GALNT13: variants seen among roughly 807,000 people sequenced by gnomAD.
The protein encoded by GALNT13 is polypeptide N-acetylgalactosaminyltransferase 13, also known as UDP-GalNAc:polypeptide N-acetylgalactosaminyltransferase 13.
Under a neutral mutation model 64.2 loss-of-function variants are expected in GALNT13, and 28 were observed. The observed-to-expected ratio is 0.44, with a 90% CI of 0.32 to 0.60. GALNT13 has a LOEUF of 0.60. GALNT13 is among the 20% of genes least tolerant of loss of function. The probability of loss-of-function intolerance (pLI) is 0.05; values close to 1 mark genes in which losing one functional copy is unlikely to be tolerated. For synonymous variants in GALNT13, 214 were observed against 224.6 expected, an observed-to-expected ratio of 0.95 and a Z score of 0.42; for missense variants, 577 against 669.8, an observed-to-expected ratio of 0.86 and a Z score of 1.53.
chr2:153,090,791 C>T, the GALNT13 span, among the ~76,000 whole-genome samples: 1 of 151,992 alleles, frequency 6.6e-6, no homozygotes, highest in Non-Finnish European at 1.5e-5. Context: ...GCGGGGCTTG[C>T]TGTGGCTACT....
At chr2:154,341,365 A>G (rs183531632) in intron 9 of GALNT13, among the ~76,000 whole-genome samples, 26 of 152,252 alleles carry the variant, frequency 1.7e-4, no homozygotes, top group African/African-American at 6.3e-4. Context: ...TAAAATGTGC[A>G]ATATACATTA....
chr2:154,010,982 C>G (rs1225115346), intron 3 of GALNT13, among the ~76,000 whole-genome samples: 2 of 151,434 alleles, frequency 1.3e-5, no homozygotes, highest in African/African-American at 4.9e-5. Context: ...TTATTTGGAT[C>G]TTCTCTGTTT....
intron 9 of GALNT13, among the ~76,000 whole-genome samples, chr2:154,313,357 ATATATACACTAGATATC>A (rs1187827976): frequency 1.4e-5 from 2 of 148,130 alleles, no homozygotes; most frequent in African/African-American, 2.5e-5. Context: ...ATTTATACAT[ATATATACACTAGATATC>A]TATATACACT....
the GALNT13 span, among the ~76,000 whole-genome samples, chr2:153,095,778 A>C: frequency 6.6e-6 from 1 of 152,154 alleles, no homozygotes. Flanking sequence ...TCAGCAAACT[A>C]TCACAAGGAC....
At chr2:154,291,510 C>T (rs758372577) in intron 8 of GALNT13, among the ~76,000 whole-genome samples, 26 of 152,202 alleles carry the variant, frequency 1.7e-4, no homozygotes, top group Non-Finnish European at 2.6e-4. Flanking sequence ...GGGGACTTTG[C>T]GGCACCTAGC....
At chr2:153,558,790 T>G in the GALNT13 span, among the ~76,000 whole-genome samples, 7 of 152,222 alleles carry the variant, frequency 4.6e-5, no homozygotes, top group Non-Finnish European at 8.8e-5. Flanking sequence ...ATAGCTCCAC[T>G]GAAAAATCAT....
At chr2:153,861,476 A>G in the GALNT13 span, among the ~76,000 whole-genome samples, 1 of 150,732 alleles carries the variant, frequency 6.6e-6, no homozygotes, top group Non-Finnish European at 1.5e-5. Context: ...TTCATTTACT[A>G]TTTTCTATGG....
At chr2:154,340,304 G>A (rs1482920102) in intron 9 of GALNT13, among the ~76,000 whole-genome samples, 1 of 151,950 alleles carries the variant, frequency 6.6e-6, no homozygotes, top group Non-Finnish European at 1.5e-5. Context: ...TACGCAGAGG[G>A]CCTAGGACTC....
intron 9 of GALNT13, among the ~76,000 whole-genome samples, chr2:154,338,958 G>A (rs1695606575): frequency 1.3e-5 from 2 of 152,074 alleles, no homozygotes; most frequent in Admixed American, 6.6e-5. Flanking sequence ...ATGCAAATTG[G>A]TTTTAAATAT....
chr2:154,180,432 A>C (rs1685892253), intron 4 of GALNT13, among the ~76,000 whole-genome samples: 1 of 152,066 alleles, frequency 6.6e-6, no homozygotes, highest in Admixed American at 6.6e-5. Flanking sequence ...CTTATTTAAA[A>C]AAAAATACAA....
At position 153,939,841 on chromosome 2, in the gene GALNT13, G is replaced by A. The variant is rs7599904; in HGVS notation, c.-104-4553G>A. Among the ~76,000 whole-genome samples the A allele has an allele frequency of 2.7e-3, 412 of 152,244 alleles. 1 individual carries two copies. The highest frequency in any genetic ancestry group is 9.4e-3 in the African/African-American group (389 of 41,552). On this transcript the variant is annotated intron_variant, in intron 2 of 12. Coordinates refer to ENST00000392825, the MANE Select transcript of GALNT13 (RefSeq NM_052917.4). ...CCTGTACTCATCCTAGCCTTACAAG[G>A]TAACTACTATTCGCATTTTGTGAGT...
the GALNT13 span, among the ~76,000 whole-genome samples, chr2:153,605,931 G>A: frequency 5.3e-5 from 8 of 152,052 alleles, no homozygotes; most frequent in African/African-American, 1.9e-4. Context: ...GAATTTGGCA[G>A]GGAGGGTCTG....
chr2:153,437,073 T>A, the GALNT13 span, among the ~76,000 whole-genome samples: 3 of 152,206 alleles, frequency 2.0e-5, no homozygotes, highest in Admixed American at 6.5e-5. Context: ...TAGCCTTCAT[T>A]TCGTTATGTA....
At chr2:154,016,589 T>C (rs1697021532) in intron 3 of GALNT13, among the ~76,000 whole-genome samples, 3 of 152,094 alleles carry the variant, frequency 2.0e-5, no homozygotes, top group African/African-American at 7.2e-5. Flanking sequence ...GGCTAACTTC[T>C]GAATTTTTAG....
intron 8 of GALNT13, among the ~76,000 whole-genome samples, chr2:154,273,801 T>C (rs1439605300): frequency 1.3e-5 from 2 of 152,112 alleles, no homozygotes; most frequent in Admixed American, 6.6e-5. Context: ...TATCCCAGTC[T>C]TTCAGTGTTG....
At position 154,245,963 on chromosome 2, in the gene GALNT13, G is replaced by A. The variant is rs1405865291; in HGVS notation, c.838G>A (p.Asp280Asn). ...PQREMDRRKGDRTLPVRTPTM... is the reference protein window; with the variant it reads ...PQREMDRRKGNRTLPVRTPTM... ...AAGAGAAATGGACAGGAGGAAAGGA[G>A]ACAGAACATTACCTGTCAGGTATGT... is the stretch of plus-strand genomic sequence containing the variant. Residue 280 changes from aspartate (D) to asparagine (N), a missense_variant, in exon 7 of 13, where the codon GAC becomes AAC. Physicochemically the swap from Asp to Asn is conservative, Grantham distance 23. Coordinates refer to ENST00000392825, the MANE Select transcript of GALNT13 (RefSeq NM_052917.4). 1 of 1,612,776 alleles carries A rather than the reference G, an allele frequency of 6.2e-7. No homozygotes were observed. Among genetic ancestry groups the A allele is most frequent in the Non-Finnish European group, 8.5e-7 (1 of 1,179,066 alleles).
intron 4 of GALNT13, among the ~76,000 whole-genome samples, chr2:154,181,545 T>C (rs1685958603): frequency 6.6e-6 from 1 of 152,142 alleles, no homozygotes; most frequent in Non-Finnish European, 1.5e-5. Flanking sequence ...AATGCTATTT[T>C]GCTTTTTGAA....
At chr2:153,570,673 A>G in the GALNT13 span, among the ~76,000 whole-genome samples, 30 of 152,110 alleles carry the variant, frequency 2.0e-4, no homozygotes, top group Non-Finnish European at 4.3e-4. Flanking sequence ...TCTTCTGCAT[A>G]TGGATATCTA....
the GALNT13 span, among the ~76,000 whole-genome samples, chr2:153,809,279 A>G: frequency 4.6e-5 from 7 of 152,206 alleles, no homozygotes; most frequent in Admixed American, 2.0e-4. Flanking sequence ...TCAGCAAAAT[A>G]CACTATGAAA....
Sources: gnomAD v4.1 joint callset for allele counts (sites outside exome capture counted in the v4.1 genomes callset) on GRCh38, gnomAD v4.1.1 for gene constraint, MANE v1.5 for transcripts, NCBI Gene and HGNC (gene_info 2026-07-23, HGNC 2026-07-21) for gene names.